The following ETV5 variants were observed in gnomAD, a reference collection of about 807,000 sequenced individuals.
The protein encoded by ETV5 is ETS translocation variant 5.
Under a neutral mutation model 70.0 loss-of-function variants are expected in ETV5, and 10 were observed. The ratio of observed to expected loss-of-function variants is 0.14; its 90% confidence interval spans 0.09 to 0.24. The LOEUF is 0.24. Ranked by LOEUF, ETV5 falls within the 10% of genes least tolerant of loss-of-function variation. ETV5 has a pLI of 1.00. For synonymous variants in ETV5, 216 were observed against 242.2 expected, an observed-to-expected ratio of 0.89 and a Z score of 1.01; for missense variants, 453 against 651.2, an observed-to-expected ratio of 0.70 and a Z score of 3.31.
At chr3:186,074,817 C>T (rs535128755) in intron 7 of ETV5, among the ~76,000 whole-genome samples, 67 of 143,572 alleles carry the variant, frequency 4.7e-4, no homozygotes, top group Non-Finnish European at 8.2e-4. Context: ...ACCCAGATGG[C>T]GCCACTGCAC....
At chr3:186,066,504 T>A (rs1713450140) in intron 7 of ETV5, among the ~76,000 whole-genome samples, 1 of 151,952 alleles carries the variant, frequency 6.6e-6, no homozygotes, top group African/African-American at 2.4e-5. Context: ...TTAGAAAATG[T>A]AGTTAAAAAG....
In ETV5 at chr3:186,091,596, G is replaced by A. The variant is rs370142032; in HGVS notation, c.233-10421C>T. ...TCAGGAATCAGATTTCTCCCATGCA[G>A]TGGGAAAAAAAACTACAGTCAGCAG... is the stretch of plus-strand genomic sequence containing the variant. On this transcript the variant is annotated intron_variant, in intron 5 of 12. Coordinates refer to ENST00000306376, the MANE Select transcript of ETV5 (RefSeq NM_004454.3). Among the ~76,000 whole-genome samples the A allele has an allele frequency of 2.0e-4, 31 of 152,268 alleles. 1 individual carries two copies. The highest frequency in any genetic ancestry group is 7.5e-4 in the African/African-American group (31 of 41,550).
chr3:186,087,692 C>A (rs559476197), intron 5 of ETV5, among the ~76,000 whole-genome samples: 9 of 152,272 alleles, frequency 5.9e-5, no homozygotes, highest in Non-Finnish European at 1.2e-4. Context: ...CTGTTTACTG[C>A]CCACAAGTAC....
rs183823430 is a variant in ETV5, at chr3:186,081,030, C to T, written c.362+16G>A. 22 of 1,601,104 alleles carry T rather than the reference C, an allele frequency of 1.4e-5. No individual in the cohort carries two copies. The highest frequency in any genetic ancestry group is 2.7e-5 in the African/African-American group (2 of 74,602). On this transcript the variant is annotated intron_variant, in intron 6 of 12. Transcript: ENST00000306376. Reference sequence around the variant, plus strand: ...CTTTCTGGGCAGCCTTTCTTCGACTCCTCTTGCCCACTCACCAATAGTTGT... The same window carrying T: ...CTTTCTGGGCAGCCTTTCTTCGACTTCTCTTGCCCACTCACCAATAGTTGT...
intron 5 of ETV5, among the ~76,000 whole-genome samples, chr3:186,099,037 T>C (rs1714383476): frequency 6.6e-6 from 1 of 152,210 alleles, no homozygotes; most frequent in Admixed American, 6.5e-5. Context: ...GCTTCAATTT[T>C]CCCCTAGATG....
At chr3:186,081,693 A>G (rs1250421218) in intron 5 of ETV5, among the ~76,000 whole-genome samples, 1 of 152,236 alleles carries the variant, frequency 6.6e-6, no homozygotes, top group Non-Finnish European at 1.5e-5. Flanking sequence ...GTAACTTTAA[A>G]TATCAGCTCT....
rs546157759 is a variant in ETV5 at position 186,105,127 on chromosome 3, T to C, written c.232+178A>G. ...TACCTGCAATACAGTAGAAATACTT[T>C]AGAAATAATTTTATTATGAAATAAA... On this transcript the variant is annotated intron_variant, in intron 5 of 12. Coordinates refer to ENST00000306376, the MANE Select transcript of ETV5 (RefSeq NM_004454.3). This position sits in a 1 kb window ranked among gnomAD's most constrained non-coding sequence, Gnocchi z 4.5. 2.1e-4 allele frequency: 113 copies of C among 539,896 alleles called. No homozygotes were observed. Among genetic ancestry groups the C allele is most frequent in the African/African-American group, 2.0e-3 (105 of 51,394 alleles). 33.4% of individuals were successfully genotyped at this position (539,896 alleles called of 1,614,324 possible). A position where few individuals can be genotyped will look rare whatever the true frequency, so the allele number is the denominator to read the frequency against.
chr3:186,100,801 T>G (rs1288772287), intron 5 of ETV5, among the ~76,000 whole-genome samples: 1 of 152,190 alleles, frequency 6.6e-6, no homozygotes, highest in Non-Finnish European at 1.5e-5. Flanking sequence ...AATAAGATTT[T>G]TATCATGCTC....
chr3:186,088,658 A>C (rs2150151662), intron 5 of ETV5, among the ~76,000 whole-genome samples: 1 of 152,334 alleles, frequency 6.6e-6, no homozygotes, highest in African/African-American at 2.4e-5. Context: ...ATGATCAAGA[A>C]GAGGGACATG....
rs1014511536 is a variant in ETV5, at chr3:186,052,276, C to A, written c.1210-145G>T. ...GACCTGGAAGGGAAGGCATTTAACT[C>A]CCTCAAGACCAAACATTCAACAAAG... On this transcript the variant is annotated intron_variant, in intron 11 of 12. Coordinates refer to ENST00000306376, the MANE Select transcript of ETV5 (RefSeq NM_004454.3). This position sits in a 1 kb window ranked among gnomAD's most constrained non-coding sequence, Gnocchi z 4.5. The A allele has an allele frequency of 3.0e-6, 2 of 658,340 alleles. No individual in the cohort carries two copies. The highest frequency in any genetic ancestry group is 5.3e-6 in the Non-Finnish European group (2 of 379,908). The allele number at this position is 658,340 out of a possible 1,614,324, so 40.8% of individuals were successfully genotyped here.
rs1422447312 is a variant in ETV5, at chr3:186,098,315, G to C, written c.232+6990C>G. 2.6e-5 allele frequency among the ~76,000 whole-genome samples: 4 copies of C among 152,194 alleles called. 1 individual carries two copies. Among genetic ancestry groups the C allele is most frequent in the African/African-American group, 9.7e-5 (4 of 41,434 alleles). On this transcript the variant is annotated intron_variant, in intron 5 of 12. Coordinates refer to ENST00000306376, the MANE Select transcript of ETV5 (RefSeq NM_004454.3). ...ATTTCTCCTGCCCCAGGGTGAGCTG[G>C]TTTGCATTAGGGCACAACTCTCTCT...
At chr3:186,085,878 A>G (rs2150150948) in intron 5 of ETV5, among the ~76,000 whole-genome samples, 1 of 152,180 alleles carries the variant, frequency 6.6e-6, no homozygotes, top group Non-Finnish European at 1.5e-5. Context: ...TCTCCCTTCT[A>G]TAGTCGAGCT....
chr3:186,067,236 C>T (rs966358002), intron 7 of ETV5, among the ~76,000 whole-genome samples: 1 of 152,200 alleles, frequency 6.6e-6, no homozygotes, highest in African/African-American at 2.4e-5. Context: ...AGATTGAGAC[C>T]ATCCTGGCCA....
intron 5 of ETV5, among the ~76,000 whole-genome samples, chr3:186,103,620 A>AACACACACACACACACACACACAC (rs10534124): frequency 9.8e-5 from 14 of 142,970 alleles, no homozygotes; most frequent in African/African-American, 2.1e-4. Context: ...TCATCTTGCA[A>AACACACACACACACACACACACAC]ACACACACAC....
rs1374914464 is a variant in ETV5, at chr3:186,054,325, C to T, written c.1210-2194G>A. On this transcript the variant is annotated intron_variant, in intron 11 of 12. Transcript: ENST00000306376. The surrounding 1 kb of genome is among the most constrained non-coding windows in gnomAD (Gnocchi z 4.4). ...TGAGGACTGAGGCTGAAGGAGTTAA[C>T]GGATCTACCTATTCCTTCTCCCCTT... 1.3e-5 allele frequency among the ~76,000 whole-genome samples: 2 copies of T among 152,158 alleles called. No individual in the cohort carries two copies. Among genetic ancestry groups the T allele is most frequent in the Non-Finnish European group, 2.9e-5 (2 of 68,028 alleles).
chr3:186,077,389 T>C (rs1713821856), intron 7 of ETV5, among the ~76,000 whole-genome samples: 1 of 152,240 alleles, frequency 6.6e-6, no homozygotes, highest in Non-Finnish European at 1.5e-5. Flanking sequence ...TAATTTCTAT[T>C]ACTTTTACAA....
chr3:186,059,392 C>A (rs1056068554), intron 9 of ETV5, among the ~76,000 whole-genome samples: 2 of 152,100 alleles, frequency 1.3e-5, no homozygotes, highest in Non-Finnish European at 2.9e-5. Context: ...TCTCATGGAG[C>A]CTGCATCTCA....
intron 5 of ETV5, among the ~76,000 whole-genome samples, chr3:186,092,495 G>A (rs147574163): frequency 4.6e-5 from 7 of 152,140 alleles, no homozygotes; most frequent in East Asian, 3.9e-4. Context: ...GAGCAATGGC[G>A]CAATCATAGC....
intron 9 of ETV5, among the ~76,000 whole-genome samples, chr3:186,058,681 T>C (rs774215463): frequency 1.3e-5 from 2 of 152,196 alleles, no homozygotes; most frequent in Admixed American, 6.5e-5. Flanking sequence ...ATAGCCATAA[T>C]AACAAGTGCT....
Sources: gnomAD v4.1 joint callset for allele counts (sites outside exome capture counted in the v4.1 genomes callset) on GRCh38, gnomAD v4.1.1 for gene constraint, Gnocchi (gnomAD v3.1) non-coding constraint, MANE v1.5 for transcripts, NCBI Gene and HGNC (gene_info 2026-07-23, HGNC 2026-07-21) for gene names.